The following ARHGAP8 variants were observed in gnomAD, a reference collection of about 807,000 sequenced individuals.
The protein encoded by ARHGAP8 is Rho GTPase activating protein 8.
ARHGAP8 carries 62 observed loss-of-function variants against 46.1 expected under a neutral mutation model. That is an observed-to-expected ratio of 1.34 (90% confidence interval 1.10 to 1.66). The LOEUF is 1.66. Among genes scored for constraint, ARHGAP8 ranks in the 40% most tolerant of loss-of-function variants. ARHGAP8 has a pLI of 0.00. For missense variants in ARHGAP8, 923 were observed against 568.4 expected (o/e 1.62, Z -6.34); for synonymous variants, 375 against 243.1 (o/e 1.54, Z -5.05).
chr22:44,803,420 C>T (rs1447978217), intron 3 of ARHGAP8, among the ~76,000 whole-genome samples: 2 of 152,128 alleles, frequency 1.3e-5, no homozygotes, highest in African/African-American at 2.4e-5. Context: ...TTTGAAGGGA[C>T]GGGCCCAGGG....
Position 44,862,385 on chromosome 22 carries a change from G to T in ARHGAP8, c.1092G>T (p.Val364=). Residue 364 remains valine, a synonymous_variant, in exon 12 of 12, where the codon GTG becomes GTT. Transcript: ENST00000356099. The stretch of plus-strand genomic sequence containing the variant: ...GGGTCTCCTCCCTGAGTGCCCTTGT[G>T]CCCCTGAACATGTTCACTGAACTGC... The part of the protein sequence containing the change: ...SQGVSSLSAL[V]PLNMFTELLI... The T allele has an allele frequency of 6.2e-7, 1 of 1,614,116 alleles. No homozygotes were observed. The highest frequency in any genetic ancestry group is 8.5e-7 in the Non-Finnish European group (1 of 1,180,002).
intron 1 of ARHGAP8, among the ~76,000 whole-genome samples, chr22:44,781,007 C>T (rs532914044): frequency 1.3e-5 from 2 of 152,168 alleles, no homozygotes; most frequent in Non-Finnish European, 2.9e-5. Context: ...TCCAGGTATC[C>T]CCTGGGTTCC....
intron 1 of ARHGAP8, among the ~76,000 whole-genome samples, chr22:44,779,985 G>A (rs963394072): frequency 1.3e-5 from 2 of 152,178 alleles, no homozygotes; most frequent in Admixed American, 1.3e-4. Context: ...CAGGGTGTCA[G>A]AGGGAGGGAC....
At chr22:44,813,550 ATACACATACACCTACATACAAC>A (rs1929509053) in intron 4 of ARHGAP8, among the ~76,000 whole-genome samples, 1 of 151,898 alleles carries the variant, frequency 6.6e-6, no homozygotes, top group Non-Finnish European at 1.5e-5. Context: ...ATACACTTAT[ATACACATACACCTACATACAAC>A]TACACACACA....
At chr22:44,786,399 C>T in intron 1 of ARHGAP8, 58 bp from the exon 2 acceptor site, 1 of 1,533,140 alleles carries the variant, frequency 6.5e-7, no homozygotes, top group Non-Finnish European at 8.8e-7. Context: ...CAGGAGGCTC[C>T]CTCATTCCCC....
At chr22:44,771,242 ATTT>A (rs368256843) in intron 1 of ARHGAP8, among the ~76,000 whole-genome samples, 36 of 108,320 alleles carry the variant, frequency 3.3e-4, no homozygotes, top group African/African-American at 1.1e-3. Flanking sequence ...TTGCAAGTAA[ATTT>A]TTTTTTTTTT....
At chr22:44,835,241 A>G (rs1377583290) in intron 7 of ARHGAP8, among the ~76,000 whole-genome samples, 3 of 150,900 alleles carry the variant, frequency 2.0e-5, no homozygotes, top group Non-Finnish European at 4.4e-5. Flanking sequence ...CTATATATAT[A>G]TATATATATT....
At chr22:44,800,369 G>C (rs1928410163) in intron 2 of ARHGAP8, among the ~76,000 whole-genome samples, 1 of 151,358 alleles carries the variant, frequency 6.6e-6, no homozygotes, top group African/African-American at 2.4e-5. Flanking sequence ...GCCTCCCAAA[G>C]TACTGGGATT....
At chr22:44,778,443 C>A (rs1260065222) in intron 1 of ARHGAP8, among the ~76,000 whole-genome samples, 1 of 152,124 alleles carries the variant, frequency 6.6e-6, no homozygotes, top group Admixed American at 6.6e-5. Flanking sequence ...GGCATTTGGG[C>A]TGGTTCCACA....
chr22:44,759,084 T>C (rs570214832), intron 1 of ARHGAP8, among the ~76,000 whole-genome samples: 18 of 152,254 alleles, frequency 1.2e-4, no homozygotes, highest in African/African-American at 4.3e-4. Context: ...AGGTGGATGG[T>C]GGGGTGACCC....
chr22:44,775,540 C>T (rs1472160806), intron 1 of ARHGAP8, among the ~76,000 whole-genome samples: 3 of 151,818 alleles, frequency 2.0e-5, no homozygotes, highest in Non-Finnish European at 2.9e-5. Flanking sequence ...CTCTGCCTCC[C>T]GGGTTCAAGC....
At chr22:44,780,497 T>C (rs1368611359) in intron 1 of ARHGAP8, among the ~76,000 whole-genome samples, 1 of 151,876 alleles carries the variant, frequency 6.6e-6, no homozygotes. Flanking sequence ...CCCATATCTA[T>C]TAAAAACACA....
intron 1 of ARHGAP8, among the ~76,000 whole-genome samples, chr22:44,766,826 T>A: frequency 6.8e-6 from 1 of 146,046 alleles, no homozygotes; most frequent in South Asian, 2.3e-4. Flanking sequence ...GCAAAACTCC[T>A]GGCCAAGGCC....
chr22:44,776,176 C>G lies in ARHGAP8; in HGVS notation c.-71-10281C>G, dbSNP rs528549155. 7.9e-5 allele frequency among the ~76,000 whole-genome samples: 12 copies of G among 152,258 alleles called. 1 individual carries two copies. The highest frequency in any genetic ancestry group is 2.4e-4 in the African/African-American group (10 of 41,558). On this transcript the variant is annotated intron_variant, in intron 1 of 11. Coordinates refer to ENST00000356099, the MANE Select transcript of ARHGAP8 (RefSeq NM_181335.3). ...ATTAATATGTAGGCATCCAGCCAGG[C>G]GCAGTGGCTCACACCTGTAATCTCA...
chr22:44,760,015 C>A (rs132449), intron 1 of ARHGAP8, among the ~76,000 whole-genome samples: 120,914 of 151,960 alleles, frequency 0.8, 48,234 homozygotes, highest in Admixed American at 0.86. Flanking sequence ...CTTTAGAGAC[C>A]CCCTTGCCCT....
chr22:44,807,652 G>A (rs997014978), intron 3 of ARHGAP8, among the ~76,000 whole-genome samples: 3 of 152,140 alleles, frequency 2.0e-5, no homozygotes, highest in Non-Finnish European at 4.4e-5. Context: ...AACCATGATC[G>A]CAAATGTGGT....
At chr22:44,826,230 C>G (rs117071335) in intron 7 of ARHGAP8, among the ~76,000 whole-genome samples, 3 of 152,074 alleles carry the variant, frequency 2.0e-5, no homozygotes, top group Non-Finnish European at 2.9e-5. Flanking sequence ...CCCTGATCCC[C>G]GCATCACCAT....
Position 44,862,710 on chromosome 22 carries a change from T to C in ARHGAP8, c.*115T>C. On this transcript the variant is annotated 3_prime_UTR_variant, in exon 12 of 12. Coordinates refer to ENST00000356099, the MANE Select transcript of ARHGAP8 (RefSeq NM_181335.3). ...CAGCCATTAGATGAATTCAGAACCT[T>C]CTAATGAAAACTCCATGCCTCTGGT... is the stretch of plus-strand genomic sequence containing the variant. 7.7e-7 allele frequency: 1 copy of C among 1,305,212 alleles called. No homozygotes were observed. Among genetic ancestry groups the C allele is most frequent in the Non-Finnish European group, 1.0e-6 (1 of 981,578 alleles). The allele number at this position is 1,305,212 out of a possible 1,614,324, so 80.9% of individuals were successfully genotyped here.
At chr22:44,764,469 C>T (rs1021386519) in intron 1 of ARHGAP8, among the ~76,000 whole-genome samples, 1 of 152,090 alleles carries the variant, frequency 6.6e-6, no homozygotes, top group Non-Finnish European at 1.5e-5. Context: ...GGGGTGGTGG[C>T]GCGTGCGACG....
Sources: allele counts gnomAD v4.1 joint callset (sites outside exome capture counted in the v4.1 genomes callset), GRCh38; gene constraint gnomAD v4.1.1; transcripts MANE v1.5; gene names NCBI Gene and HGNC (gene_info 2026-07-23, HGNC 2026-07-21).